Variants in ANGEL1 observed in about 807,000 individuals in gnomAD.
The protein encoded by ANGEL1 is RNA 2',3'-cyclic phosphatase ANGEL1.
ANGEL1 carries 62 observed loss-of-function variants against 76.4 expected under a neutral mutation model. The ratio of observed to expected loss-of-function variants is 0.81; its 90% CI spans 0.66 to 1.00. The LOEUF (loss-of-function observed/expected upper bound fraction) is 1.00, where lower values mean the gene tolerates loss of function less well. Among genes scored for constraint, ANGEL1 ranks in the 50% least tolerant of loss-of-function variants. The probability of loss-of-function intolerance (pLI) is 0.00; values close to 1 mark genes in which losing one functional copy is unlikely to be tolerated. For missense variants in ANGEL1, 737 were observed against 836.7 expected, an observed-to-expected ratio of 0.88 and a Z score of 1.47; for synonymous variants, 340 against 331.7, an observed-to-expected ratio of 1.03 and a Z score of -0.27.
At chr14:76,803,330 G>A (rs758618278) in intron 7 of ANGEL1, 41 bp downstream of exon 7, 43 of 1,517,502 alleles carry the variant, frequency 2.8e-5, no homozygotes, top group Non-Finnish European at 9.1e-7. Context: ...TCAGGAATGA[G>A]GAAGAAAGAA....
At chr14:76,807,536 A>G (rs138788267) in intron 3 of ANGEL1, 34 bp from the exon 4 acceptor site, 2 of 1,606,174 alleles carry the variant, frequency 1.2e-6, no homozygotes, top group East Asian at 2.2e-5. Context: ...ATCACTCCAG[A>G]GTGCTGGAAT....
At chr14:76,795,488 G>A (rs983318273) in intron 7 of ANGEL1, among the ~76,000 whole-genome samples, 2 of 152,120 alleles carry the variant, frequency 1.3e-5, no homozygotes, top group Non-Finnish European at 1.5e-5. Flanking sequence ...TTACTGTCAG[G>A]TGTCAGTGTC....
chr14:76,803,660 A>T, intron 6 of ANGEL1, 126 bp downstream of exon 6: 3 of 1,428,566 alleles, frequency 2.1e-6, no homozygotes, highest in Non-Finnish European at 1.9e-6. Flanking sequence ...TTGGGAGGAT[A>T]GTGAGAAAAC....
intron 5 of ANGEL1, 77 bp from the exon 6 acceptor site, chr14:76,803,989 T>A: frequency 6.2e-7 from 1 of 1,613,436 alleles, no homozygotes; most frequent in Non-Finnish European, 8.5e-7. Flanking sequence ...TTGGGACATG[T>A]GGACAAATAC....
chr14:76,803,754 C>T, intron 6 of ANGEL1, 32 bp downstream of exon 6: 2 of 1,576,088 alleles, frequency 1.3e-6, no homozygotes, highest in Non-Finnish European at 1.7e-6. Context: ...GGCATGAAGA[C>T]ACAGCCAACC....
At chr14:76,794,654 G>A (rs1199153092) in intron 7 of ANGEL1, among the ~76,000 whole-genome samples, 1 of 148,356 alleles carries the variant, frequency 6.7e-6, no homozygotes, top group Admixed American at 6.7e-5. Flanking sequence ...GTGGGCAACG[G>A]AGCGAGACTC....
At chr14:76,803,675 G>A in intron 6 of ANGEL1, 111 bp downstream of exon 6, 1 of 1,471,252 alleles carries the variant, frequency 6.8e-7, no homozygotes, top group Admixed American at 2.2e-5. Flanking sequence ...GAAAACAGAG[G>A]AATCTGCTAA....
chr14:76,803,909 A>G lies in ANGEL1; in HGVS notation c.1384T>C (p.Ser462Pro). 1.2e-6 allele frequency: 2 copies of G among 1,614,248 alleles called. No homozygotes were observed. The highest frequency in any genetic ancestry group is 1.7e-6 in the Non-Finnish European group (2 of 1,180,036). Reference protein sequence around the residue: ...QYHGMPAWKVSGQEDFSHQLY... With the variant: ...QYHGMPAWKVPGQEDFSHQLY... The stretch of plus-strand genomic sequence containing the variant: ...TGATGGGAGAAGTCTTCCTGTCCAG[A>G]TACCTGGGTGGAAAAAGAAGGGTGG... Residue 462 changes from serine to proline, a missense_variant, in exon 6 of 10, where the codon TCT (serine) becomes CCT (proline). Ser to Pro is a moderately conservative substitution (Grantham distance 74, BLOSUM62 -1). Around this residue, in one of 2 missense-constraint regions of ANGEL1, gnomAD observed 296 missense variants for 387.2 expected, o/e 0.76. Transcript: ENST00000251089.
chr14:76,809,080 C>A lies in ANGEL1; in HGVS notation c.628G>T (p.Ala210Ser), dbSNP rs138112362. The A allele has an allele frequency of 1.9e-6, 3 of 1,612,608 alleles. No homozygotes were observed. The highest frequency in any genetic ancestry group is 2.5e-6 in the Non-Finnish European group (3 of 1,179,158). Reference sequence around the variant, plus strand: ...TCACCATGATATGGTATTTCCACTGCGGGAGGCTGCAACTGCCCCAGGCCC... The same window carrying A: ...TCACCATGATATGGTATTTCCACTGAGGGAGGCTGCAACTGCCCCAGGCCC... ...FEGLGQLQPP[A>S]VEIPYHEILW... is the part of the protein sequence containing the mutation. Residue 210 changes from alanine to serine, a missense_variant, in exon 2 of 10, where the codon GCA becomes TCA. By Grantham distance (99) the Ala-to-Ser change is moderately conservative (BLOSUM62 1). Coordinates refer to ENST00000251089, the MANE Select transcript of ANGEL1 (RefSeq NM_015305.4).
chr14:76,794,925 TATC>T (rs896438396), intron 7 of ANGEL1, among the ~76,000 whole-genome samples: 4 of 152,178 alleles, frequency 2.6e-5, no homozygotes, highest in Admixed American at 2.0e-4. Context: ...TATAAAATAA[TATC>T]ATCAGCAAGT....
At chr14:76,804,909 C>T (rs897431419) in intron 5 of ANGEL1, among the ~76,000 whole-genome samples, 1 of 152,102 alleles carries the variant, frequency 6.6e-6, no homozygotes, top group African/African-American at 2.4e-5. Flanking sequence ...ACTTGGGAGG[C>T]TGAGGCAGGA....
chr14:76,794,704 A>G (rs950803340), intron 7 of ANGEL1, among the ~76,000 whole-genome samples: 2 of 150,848 alleles, frequency 1.3e-5, no homozygotes, highest in African/African-American at 4.9e-5. Flanking sequence ...ATGCCCTTTT[A>G]TATGCCTTAT....
In ANGEL1 at chr14:76,812,876, C is replaced by T. The variant is rs1259806693; in HGVS notation, c.-49G>A. ...CGCTCCTCACTGCAGCCAGCAGGTCCTCCCTCAGCTCGGCCCCGCCCCCGG... is the reference window on the plus strand; with the variant it reads ...CGCTCCTCACTGCAGCCAGCAGGTCTTCCCTCAGCTCGGCCCCGCCCCCGG... On this transcript the variant is annotated 5_prime_UTR_variant, in exon 1 of 10. Transcript: ENST00000251089. 7 of 1,466,314 alleles carry T rather than the reference C, an allele frequency of 4.8e-6. No homozygotes were observed. The East Asian group carries it at 1.9e-4, about 41-fold the overall frequency. The allele number at this position is 1,466,314 out of a possible 1,614,324, so 90.8% of individuals were successfully genotyped here.
Position 76,789,238 on chromosome 14 carries a change from G to A in ANGEL1, c.2003C>T (p.Thr668Ile), listed in dbSNP as rs775952067. 1 of 1,614,240 alleles carries A rather than the reference G, an allele frequency of 6.2e-7. No homozygotes were observed. Among genetic ancestry groups the A allele is most frequent in the Non-Finnish European group, 8.5e-7 (1 of 1,180,028 alleles). ...CCCCTGGGAGCCCTGTCATGGGGCG[G>A]TGACTTCCATCCCGAAGCTGGCTAG... ...CLLASFGMEV[T>I]AP Residue 668 changes from threonine to isoleucine, a missense_variant, in exon 10 of 10, where the codon ACC becomes ATC. Thr to Ile is a moderately conservative substitution (Grantham distance 89). Transcript: ENST00000251089.
chr14:76,804,023 G>A lies in ANGEL1; in HGVS notation c.1381-111C>T, dbSNP rs771880168. ...ACAAACACATACAATCACACACTACGTACATGGTATAAACAAGCATATAAG... is the reference window on the plus strand; with the variant it reads ...ACAAACACATACAATCACACACTACATACATGGTATAAACAAGCATATAAG... On this transcript the variant is annotated intron_variant, in intron 5 of 9. Coordinates refer to ENST00000251089, the MANE Select transcript of ANGEL1 (RefSeq NM_015305.4). 24 of 1,606,052 alleles carry A rather than the reference G, an allele frequency of 1.5e-5. No individual in the cohort carries two copies. The East Asian group carries it at 2.5e-4, about 16-fold the overall frequency.
rs754005037 is a variant in ANGEL1, at chr14:76,790,772, G to A, written c.1691C>T (p.Thr564Ile). Reference protein sequence around the residue: ...ASELEPAFSRTVGTIQHCLHL... With the variant: ...ASELEPAFSRIVGTIQHCLHL... ...GAGGCAGTGCTGGATGGTACCTACA[G>A]TCCTACAGGGATGAAGGGGGAAACA... is the stretch of plus-strand genomic sequence containing the variant. The change falls in exon 9 of 10, where the codon ACT becomes ATT. Residue 564 changes from threonine (T) to isoleucine (I), a missense_variant and splice_region_variant. By Grantham distance (89) the Thr-to-Ile change is moderately conservative. Around this residue, in one of 2 missense-constraint regions of ANGEL1, gnomAD observed 296 missense variants for 387.2 expected, o/e 0.76. Transcript: ENST00000251089. The A allele has an allele frequency of 3.1e-6, 5 of 1,595,684 alleles. No individual in the cohort carries two copies. The highest frequency in any genetic ancestry group is 4.3e-6 in the Non-Finnish European group (5 of 1,170,962).
At chr14:76,791,673 A>T (rs1158944801) in intron 7 of ANGEL1, among the ~76,000 whole-genome samples, 1 of 152,212 alleles carries the variant, frequency 6.6e-6, no homozygotes, top group East Asian at 1.9e-4. Context: ...TGTAGCAAAA[A>T]GTATCAGTGA....
At chr14:76,802,870 A>C (rs778676048) in intron 7 of ANGEL1, among the ~76,000 whole-genome samples, 1 of 152,086 alleles carries the variant, frequency 6.6e-6, no homozygotes, top group Non-Finnish European at 1.5e-5. Flanking sequence ...CAAATTTCCC[A>C]GTTTTGTCTA....
At chr14:76,801,753 ACTT>A (rs1304739232) in intron 7 of ANGEL1, among the ~76,000 whole-genome samples, 1 of 151,354 alleles carries the variant, frequency 6.6e-6, no homozygotes, top group Non-Finnish European at 1.5e-5. Context: ...TTTTTATTCC[ACTT>A]CTTTTCTGAG....
Sources: gnomAD v4.1 joint callset for allele counts (sites outside exome capture counted in the v4.1 genomes callset) on GRCh38, gnomAD v4.1.1 for gene constraint, gnomAD v4.1.1 regional missense constraint, MANE v1.5 for transcripts, NCBI Gene and HGNC (gene_info 2026-07-23, HGNC 2026-07-21) for gene names.